The following ZDHHC11B variants were observed in gnomAD, a reference collection of about 807,000 sequenced individuals.
The protein encoded by ZDHHC11B is probable palmitoyltransferase ZDHHC11B.
ZDHHC11B carries 17 observed loss-of-function variants against 42.3 expected under a neutral mutation model. The ratio of observed to expected loss-of-function variants is 0.40; its 90% CI spans 0.27 to 0.60. The LOEUF is 0.60. Ranked by LOEUF, ZDHHC11B falls within the 20% of genes least tolerant of loss-of-function variation. ZDHHC11B has a pLI of 0.41. For missense variants in ZDHHC11B, 262 were observed against 463.2 expected (o/e 0.57, Z 3.99); for synonymous variants, 123 against 193.5 (o/e 0.64, Z 3.02).
chr5:761,656 A>G (rs1734628597), intron 4 of ZDHHC11B, among the ~76,000 whole-genome samples: 1 of 151,860 alleles, frequency 6.6e-6, no homozygotes, highest in South Asian at 2.1e-4. Context: ...CCATGGTAGA[A>G]GCCTGAACCC....
intron 11 of ZDHHC11B, 67 bp downstream of exon 11, chr5:733,685 G>C: frequency 6.4e-6 from 9 of 1,411,678 alleles, no homozygotes; most frequent in Non-Finnish European, 8.9e-6. Flanking sequence ...CAGCTTGGGG[G>C]ACCCGAGACC....
intron 10 of ZDHHC11B, among the ~76,000 whole-genome samples, chr5:739,904 TTG>T (rs1230196221): frequency 6.6e-6 from 1 of 150,578 alleles, no homozygotes; most frequent in Admixed American, 6.7e-5. Context: ...TGATATATAT[TTG>T]TGATCTGTAT....
In ZDHHC11B at chr5:748,498, A is replaced by T. The variant is rs189921796; in HGVS notation, c.690T>A (p.Thr230=). The change falls in exon 8 of 14, where the codon ACT becomes ACA. Residue 230 remains threonine (T), a synonymous_variant. Coordinates refer to ENST00000508859, the MANE Select transcript of ZDHHC11B (RefSeq NM_001351303.2). ...GCATCCTGATGATCACGACTATCAG[A>T]GTCTGCACCTGCACCGGGAACAGGG... The part of the protein sequence containing the change: ...FLPLFPVQVQ[T]LIVVIIRMLV... 31 of 1,364,010 alleles carry T rather than the reference A, an allele frequency of 2.3e-5. 8 individuals carry two copies. In the Admixed American group the frequency reaches 4.8e-4, roughly 21 times the overall value. 84.5% of individuals were successfully genotyped at this position (1,364,010 alleles called of 1,614,324 possible).
chr5:760,398 G>A (rs1446152791), intron 4 of ZDHHC11B, among the ~76,000 whole-genome samples: 1 of 151,682 alleles, frequency 6.6e-6, no homozygotes, highest in East Asian at 1.9e-4. Context: ...GAGAAAAGAC[G>A]GTGTGAACAC....
chr5:739,123 G>A (rs577963497), intron 10 of ZDHHC11B, among the ~76,000 whole-genome samples: 2 of 150,080 alleles, frequency 1.3e-5, no homozygotes, highest in East Asian at 4.0e-4. Context: ...ATCCAATTGG[G>A]TGTGGTGGCT....
intron 1 of ZDHHC11B, among the ~76,000 whole-genome samples, chr5:778,800 GAGA>G (rs1163686378): frequency 1.3e-5 from 2 of 151,888 alleles, no homozygotes; most frequent in Non-Finnish European, 2.9e-5. Context: ...ACAGAGAGAA[GAGA>G]AGAAGGTGCT....
At chr5:766,385 G>A (rs2150219718) in intron 4 of ZDHHC11B, among the ~76,000 whole-genome samples, 1 of 152,012 alleles carries the variant, frequency 6.6e-6, no homozygotes, top group Non-Finnish European at 1.5e-5. Context: ...GGGGTCAGCG[G>A]CTGCCCTGTC....
At chr5:760,796 G>A (rs6555467) in intron 4 of ZDHHC11B, among the ~76,000 whole-genome samples, 58 of 151,696 alleles carry the variant, frequency 3.8e-4, no homozygotes, top group East Asian at 9.7e-4. Context: ...GCACCACTCC[G>A]GACTGGCAGG....
At chr5:775,385 G>A (rs1356056989) in intron 1 of ZDHHC11B, among the ~76,000 whole-genome samples, 1 of 151,952 alleles carries the variant, frequency 6.6e-6, no homozygotes, top group Non-Finnish European at 1.5e-5. Flanking sequence ...GCACCCGATG[G>A]CCTCATGCAG....
chr5:783,948 C>A (rs1173676211), intron 1 of ZDHHC11B, among the ~76,000 whole-genome samples: 1 of 150,834 alleles, frequency 6.6e-6, no homozygotes, highest in African/African-American at 2.4e-5. Context: ...TCACCTCCCT[C>A]GGCTCCGTTT....
chr5:759,941 T>C (rs398120), intron 4 of ZDHHC11B, among the ~76,000 whole-genome samples: 127,607 of 151,728 alleles, frequency 0.84, 54,016 homozygotes, highest in East Asian at 0.97. Flanking sequence ...GTCGCTGAGG[T>C]GCAGGCATGG....
intron 13 of ZDHHC11B, among the ~76,000 whole-genome samples, chr5:715,538 AG>A (rs1269025037): frequency 5.3e-5 from 8 of 151,014 alleles, no homozygotes; most frequent in Non-Finnish European, 8.8e-5. Context: ...CTTCATGGTC[AG>A]TTTCTTGCAA....
intron 12 of ZDHHC11B, among the ~76,000 whole-genome samples, chr5:728,866 G>A (rs188664620): frequency 2.6e-5 from 4 of 151,792 alleles, no homozygotes; most frequent in African/African-American, 4.9e-5. Context: ...TACAAAAGTT[G>A]GCTCAGCGTG....
chr5:773,424 G>A (rs190723101), intron 1 of ZDHHC11B, among the ~76,000 whole-genome samples: 1 of 152,034 alleles, frequency 6.6e-6, no homozygotes, highest in African/African-American at 2.4e-5. Flanking sequence ...TGGGGTCCAA[G>A]GACAAGCTCC....
chr5:753,236 G>A (rs1219082855), intron 6 of ZDHHC11B, among the ~76,000 whole-genome samples: 9 of 127,878 alleles, frequency 7.0e-5, no homozygotes, highest in South Asian at 6.8e-4. Flanking sequence ...GGCCTCCCTC[G>A]CGGGGGCTCT....
intron 4 of ZDHHC11B, 101 bp downstream of exon 4, chr5:766,597 G>T: frequency 7.8e-7 from 1 of 1,275,346 alleles, no homozygotes; most frequent in Non-Finnish European, 1.1e-6. Context: ...ACAGGTGACT[G>T]GTGCCACCGG....
chr5:783,366 C>T (rs1322403721), intron 1 of ZDHHC11B, among the ~76,000 whole-genome samples: 1 of 152,278 alleles, frequency 6.6e-6, no homozygotes, highest in Non-Finnish European at 1.5e-5. Flanking sequence ...CCTGCCCCTT[C>T]CCGGCCTTGG....
intron 12 of ZDHHC11B, among the ~76,000 whole-genome samples, chr5:720,156 A>G: frequency 6.6e-6 from 1 of 151,818 alleles, no homozygotes. Flanking sequence ...GAATGAATCT[A>G]CACATCCAAG....
intron 1 of ZDHHC11B, among the ~76,000 whole-genome samples, chr5:774,369 G>A (rs1180509517): frequency 6.6e-6 from 1 of 152,302 alleles, no homozygotes; most frequent in African/African-American, 2.4e-5. Context: ...CAGTAAGCGG[G>A]GCCAGGCACT....
Sources: allele counts gnomAD v4.1 joint callset (sites outside exome capture counted in the v4.1 genomes callset), GRCh38; gene constraint gnomAD v4.1.1; transcripts MANE v1.5; gene names NCBI Gene and HGNC (gene_info 2026-07-23, HGNC 2026-07-21).